Variants in FCER2 observed in about 807,000 individuals in gnomAD.
FCER2 encodes Fc epsilon receptor II, also known as low affinity immunoglobulin epsilon Fc receptor.
FCER2 carries 38 observed loss-of-function variants against 49.7 expected under a neutral mutation model. That is an observed-to-expected ratio of 0.76 (90% CI 0.59 to 1.00). FCER2 has a LOEUF of 1.00. FCER2 is among the 50% of genes least tolerant of loss of function. The pLI, the probability that FCER2 is intolerant of heterozygous loss-of-function variation, is 0.00. For missense variants in FCER2, 425 were observed against 419.5 expected (o/e 1.01, Z -0.11); for synonymous variants, 163 against 164.6 (o/e 0.99, Z 0.07).
intron 10 of FCER2, 27 bp from the exon 11 acceptor site, chr19:7,689,457 G>A: frequency 6.8e-7 from 1 of 1,467,466 alleles, no homozygotes; most frequent in Non-Finnish European, 9.3e-7. Flanking sequence ...TGGGTCAGGG[G>A]ATGGGGCGGG....
At position 7,689,433 on chromosome 19, in the gene FCER2, G is replaced by A. The variant is rs1033691014; in HGVS notation, c.729-3C>T. 1 of 1,573,230 alleles carries A rather than the reference G, an allele frequency of 6.4e-7. No individual in the cohort carries two copies. Among genetic ancestry groups the A allele is most frequent in the Non-Finnish European group, 8.7e-7 (1 of 1,155,584 alleles). ...TGGGCTCCCCTGGAGCCCAGTTGCT[G>A]GAGCAAAAGGCTTTGGGTCAGGGGA... On this transcript the variant is annotated splice_polypyrimidine_tract_variant and splice_region_variant and intron_variant, in intron 10 of 10. Transcript: ENST00000597921.
chr19:7,698,122 G>A (rs1341758195), intron 4 of FCER2, among the ~76,000 whole-genome samples: 3 of 152,192 alleles, frequency 2.0e-5, no homozygotes, highest in South Asian at 2.1e-4. Context: ...TATTTTCAAC[G>A]TACTTTGCGC....
chr19:7,690,665 A>T, intron 8 of FCER2, 108 bp from the exon 9 acceptor site: 1 of 1,139,538 alleles, frequency 8.8e-7, no homozygotes, highest in East Asian at 2.6e-5. Context: ...GGTCCCGGCT[A>T]AAAGCAGACC....
chr19:7,695,538 G>A (rs537891820), intron 8 of FCER2, among the ~76,000 whole-genome samples: 1 of 152,312 alleles, frequency 6.6e-6, no homozygotes, highest in South Asian at 2.1e-4. Flanking sequence ...CATTTTGGGA[G>A]GCCGAGGCGA....
Position 7,696,864 on chromosome 19 carries a change from C to A in FCER2, c.430G>T (p.Glu144Ter). 6.3e-7 allele frequency: 1 copy of A among 1,587,370 alleles called. No individual in the cohort carries two copies. The highest frequency in any genetic ancestry group is 2.3e-5 in the East Asian group (1 of 44,010). Residue 144 changes from glutamate (E) to a stop codon, truncating the protein, a stop_gained, in exon 8 of 11, where the codon GAG (glutamate) becomes TAG (stop). Transcript: ENST00000597921. LOFTEE classifies it high-confidence loss of function. ...AACTCCATCCTTAGCTTTGTCACCTCCTCCCGGAGTCTTTCCAGCAAATCT... is the reference window on the plus strand; with the variant it reads ...AACTCCATCCTTAGCTTTGTCACCTACTCCCGGAGTCTTTCCAGCAAATCT... ...ASDLLERLRE[E>*]VTKLRMELQV...
chr19:7,698,416 AG>A lies in FCER2; in HGVS notation c.137-8del. On this transcript the variant is annotated splice_region_variant and splice_polypyrimidine_tract_variant and intron_variant, in intron 3 of 10. Coordinates refer to ENST00000597921, the MANE Select transcript of FCER2 (RefSeq NM_001220500.2). The stretch of plus-strand genomic sequence containing the variant: ...CTCTGTGTGGTGTCCCAGTCTGGGG[AG>A]GGGGAGAGAAGAGGAGTGGAGAGGG... The A allele has an allele frequency of 1.2e-6, 2 of 1,608,230 alleles. No individual in the cohort carries two copies. The highest frequency in any genetic ancestry group is 1.1e-5 in the South Asian group (1 of 90,484).
chr19:7,699,477 GT>G (rs55828544), intron 2 of FCER2: 25,687 of 1,257,350 alleles, frequency 0.02, 79 homozygotes, highest in African/African-American at 0.054. Context: ...AGCTGAAGCC[GT>G]TTTTTTTTTT....
intron 8 of FCER2, among the ~76,000 whole-genome samples, chr19:7,694,543 T>C (rs184304260): frequency 1.3e-5 from 2 of 152,274 alleles, no homozygotes; most frequent in East Asian, 3.9e-4. Context: ...TCGGGGAGAC[T>C]TCAGGGACTG....
intron 6 of FCER2, 25 bp downstream of exon 6, chr19:7,697,211 C>T: frequency 1.9e-6 from 3 of 1,613,662 alleles, no homozygotes; most frequent in Non-Finnish European, 2.5e-6. Flanking sequence ...AATCTGGCTT[C>T]ATAACCCCGA....
chr19:7,697,149 C>A (rs2033037547), intron 6 of FCER2, 74 bp from the exon 7 acceptor site: 1 of 1,604,594 alleles, frequency 6.2e-7, no homozygotes. Context: ...CAAGCCTGGC[C>A]CCCCAGCCTC....
At position 7,697,002 on chromosome 19, in the gene FCER2, C is replaced by G. The variant is rs2033032684; in HGVS notation, c.379+11G>C. 6.3e-7 allele frequency: 1 copy of G among 1,582,572 alleles called. No individual in the cohort carries two copies. Among genetic ancestry groups the G allele is most frequent in the Admixed American group, 1.8e-5 (1 of 54,868 alleles). On this transcript the variant is annotated intron_variant, in intron 7 of 10. Coordinates refer to ENST00000597921, the MANE Select transcript of FCER2 (RefSeq NM_001220500.2). Reference sequence around the variant, plus strand: ...CCCTCCCCCACTGCCCCATCCCCTCCCAAGCCTCACCCTGGGACTTGAAGC... The same window carrying G: ...CCCTCCCCCACTGCCCCATCCCCTCGCAAGCCTCACCCTGGGACTTGAAGC...
chr19:7,701,105 C>A (rs551773058), intron 1 of FCER2, among the ~76,000 whole-genome samples: 36 of 152,316 alleles, frequency 2.4e-4, no homozygotes, highest in African/African-American at 8.2e-4. Context: ...CCACTGCGCC[C>A]GACCAAGTCC....
chr19:7,698,712 G>T (rs1193083942), intron 3 of FCER2, 29 bp downstream of exon 3: 3 of 1,606,890 alleles, frequency 1.9e-6, no homozygotes, highest in Non-Finnish European at 2.5e-6. Context: ...TGAGTTGGGG[G>T]GACCACATGG....
chr19:7,690,164 G>T lies in FCER2; in HGVS notation c.723C>A (p.Asp241Glu). 6.2e-7 allele frequency: 1 copy of T among 1,604,804 alleles called. No homozygotes were observed. ...EFIWVDGSHVDYSNWAPGEPT... is the reference protein window; with the variant it reads ...EFIWVDGSHVEYSNWAPGEPT... ...CCCAGAGGCCCCCTCCTCACCTGTAGTCCACGTGGCTCCCATCCACCCAGA... is the reference window on the plus strand; with the variant it reads ...CCCAGAGGCCCCCTCCTCACCTGTATTCCACGTGGCTCCCATCCACCCAGA... Residue 241 changes from aspartate to glutamate, a missense_variant, in exon 10 of 11, where the codon GAC becomes GAA. Coordinates refer to ENST00000597921, the MANE Select transcript of FCER2 (RefSeq NM_001220500.2).
At chr19:7,696,977 C>T (rs1192639848) in intron 7 of FCER2, 36 bp downstream of exon 7, 1 of 1,517,094 alleles carries the variant, frequency 6.6e-7, no homozygotes, top group East Asian at 2.4e-5. Flanking sequence ...CTTGTCCGTT[C>T]CCTCCCCCAC....
chr19:7,693,180 C>T (rs139829128), intron 8 of FCER2, among the ~76,000 whole-genome samples: 1 of 152,134 alleles, frequency 6.6e-6, no homozygotes, highest in Admixed American at 6.6e-5. Flanking sequence ...GATTACTTTC[C>T]CCAAGCACCA....
At chr19:7,699,015 T>C (rs1199855026) in intron 2 of FCER2, among the ~76,000 whole-genome samples, 161 bp from the exon 3 acceptor site, 1 of 151,980 alleles carries the variant, frequency 6.6e-6, no homozygotes, top group Non-Finnish European at 1.5e-5. Flanking sequence ...TTGCACAGCT[T>C]CCTTACCTGA....
At position 7,690,273 on chromosome 19, in the gene FCER2, A is replaced by G. The variant is rs4996973; in HGVS notation, c.622-8T>C. 0.3 allele frequency: 475,251 copies of G among 1,610,710 alleles called. 74,381 individuals carry two copies. The highest frequency in any genetic ancestry group is 0.56 in the African/African-American group (41,875 of 74,834). On this transcript the variant is annotated splice_region_variant and splice_polypyrimidine_tract_variant and intron_variant, in intron 9 of 10. Coordinates refer to ENST00000597921, the MANE Select transcript of FCER2 (RefSeq NM_001220500.2). Reference sequence around the variant, plus strand: ...ATGCTTGGTCAGGAAGTCCTGGGGGACAGGACAGGGCTGGAGGACTGGAGA... The same window carrying G: ...ATGCTTGGTCAGGAAGTCCTGGGGGGCAGGACAGGGCTGGAGGACTGGAGA...
intron 8 of FCER2, 66 bp from the exon 9 acceptor site, chr19:7,690,623 G>C: frequency 1.9e-6 from 3 of 1,546,822 alleles, no homozygotes; most frequent in Non-Finnish European, 2.6e-6. Context: ...GGGCAGACTA[G>C]GTGGCAGCAC....
Sources: gnomAD v4.1 joint callset for allele counts (sites outside exome capture counted in the v4.1 genomes callset) on GRCh38, gnomAD v4.1.1 for gene constraint, MANE v1.5 for transcripts, NCBI Gene and HGNC (gene_info 2026-07-23, HGNC 2026-07-21) for gene names.